GRHL2: variants seen among roughly 807,000 people sequenced by gnomAD.
GRHL2 encodes the protein grainyhead-like protein 2 homolog.
Under a neutral mutation model 83.8 loss-of-function variants are expected in GRHL2, and 21 were observed. The observed-to-expected ratio is 0.25, with a 90% CI of 0.18 to 0.36. The LOEUF is 0.36. GRHL2 is among the 10% of genes least tolerant of loss of function. The pLI is 1.00. For synonymous variants in GRHL2, 280 were observed against 278.9 expected (o/e 1.00, Z -0.04); for missense variants, 623 against 781.8 (o/e 0.80, Z 2.42).
chr8:101,510,391 A>G (rs1019083531), intron 1 of GRHL2, among the ~76,000 whole-genome samples: 16 of 152,208 alleles, frequency 1.1e-4, no homozygotes, highest in Admixed American at 2.0e-4. Flanking sequence ...AGAGCATTAT[A>G]TACAGTGGAT....
intron 7 of GRHL2, among the ~76,000 whole-genome samples, chr8:101,594,478 C>A (rs1812352350): frequency 1.3e-5 from 2 of 152,208 alleles, no homozygotes; most frequent in Admixed American, 1.3e-4. Context: ...AACACTCACC[C>A]AAGGACATTC....
chr8:101,523,278 A>T (rs960483078), intron 1 of GRHL2, among the ~76,000 whole-genome samples: 6 of 151,920 alleles, frequency 3.9e-5, no homozygotes, highest in Non-Finnish European at 7.4e-5. Context: ...GAAGAGAGAA[A>T]GGTGTACAAT....
downstream of GRHL2, among the ~76,000 whole-genome samples, chr8:101,670,249 G>T (rs1175284868): frequency 6.6e-6 from 1 of 152,166 alleles, no homozygotes; most frequent in Non-Finnish European, 1.5e-5. Flanking sequence ...TCCTTGGTGG[G>T]TACCACTCTG....
chr8:101,493,790 G>A (rs1810028547), intron 1 of GRHL2, among the ~76,000 whole-genome samples: 4 of 151,982 alleles, frequency 2.6e-5, no homozygotes, highest in African/African-American at 9.7e-5. Flanking sequence ...CACTCCAGAC[G>A]CGTCGGGGAG....
intron 6 of GRHL2, 68 bp from the exon 7 acceptor site, chr8:101,577,340 C>T: frequency 1.0e-6 from 1 of 975,918 alleles, no homozygotes; most frequent in Non-Finnish European, 1.6e-6. Flanking sequence ...GTAGAACTTC[C>T]AGAACTGGAG....
chr8:101,680,147 C>G, the GRHL2 span, among the ~76,000 whole-genome samples: 1 of 117,844 alleles, frequency 8.5e-6, no homozygotes, highest in African/African-American at 3.5e-5. Flanking sequence ...GATAAAGAGT[C>G]AAGACCCATC....
At chr8:101,650,696 G>A (rs6996973) in intron 14 of GRHL2, among the ~76,000 whole-genome samples, 4 of 151,702 alleles carry the variant, frequency 2.6e-5, no homozygotes, top group Non-Finnish European at 5.9e-5. Context: ...TCTTTGGGGG[G>A]GATGAAAATG....
At chr8:101,565,607 A>ATACTGACTTGTAAAGTCATACTT (rs1811701274) in intron 4 of GRHL2, among the ~76,000 whole-genome samples, 1 of 152,202 alleles carries the variant, frequency 6.6e-6, no homozygotes, top group Non-Finnish European at 1.5e-5. Flanking sequence ...TGGAGATGGC[A>ATACTGACTTGTAAAGTCATACTT]TACTGACTTG....
rs991441557 is a variant in GRHL2 at position 101,492,797 on chromosome 8, G to A, written c.20+8G>A. On this transcript the variant is annotated splice_region_variant and intron_variant, in intron 1 of 15. Coordinates refer to ENST00000646743, the MANE Select transcript of GRHL2 (RefSeq NM_024915.4). ...GTCACAAGAGTCGGACAAGTAAGTG[G>A]ATCACACGCGCCGGCTGCTGCTACT... 1.2e-6 allele frequency: 2 copies of A among 1,613,898 alleles called. No individual in the cohort carries two copies. The highest frequency in any genetic ancestry group is 2.7e-5 in the African/African-American group (2 of 75,050).
At chr8:101,609,235 A>G (rs1812698983) in intron 8 of GRHL2, among the ~76,000 whole-genome samples, 1 of 150,514 alleles carries the variant, frequency 6.6e-6, no homozygotes, top group Non-Finnish European at 1.5e-5. Context: ...GAGAACGAAG[A>G]GGACAAGGAG....
the GRHL2 span, among the ~76,000 whole-genome samples, chr8:101,680,091 T>C: frequency 8.4e-6 from 1 of 118,748 alleles, no homozygotes; most frequent in Non-Finnish European, 1.7e-5. Context: ...ACCTTAAATG[T>C]AAATGGGCTA....
At chr8:101,640,478 A>T (rs1813379781) in intron 12 of GRHL2, among the ~76,000 whole-genome samples, 1 of 152,184 alleles carries the variant, frequency 6.6e-6, no homozygotes, top group Non-Finnish European at 1.5e-5. Context: ...GAATTTATGG[A>T]TGTCTCTTAT....
intron 1 of GRHL2, among the ~76,000 whole-genome samples, chr8:101,493,325 G>A (rs1420203422): frequency 6.6e-6 from 1 of 152,164 alleles, no homozygotes; most frequent in Non-Finnish European, 1.5e-5. Context: ...GGGCGTGAGT[G>A]CGCGCCCGCG....
intron 1 of GRHL2, among the ~76,000 whole-genome samples, chr8:101,504,724 C>T (rs1246292861): frequency 1.3e-5 from 2 of 151,674 alleles, no homozygotes; most frequent in African/African-American, 2.4e-5. Flanking sequence ...CACAGTGACT[C>T]ATCTGACTGC....
At chr8:101,637,268 A>G (rs1813307363) in intron 12 of GRHL2, among the ~76,000 whole-genome samples, 1 of 152,048 alleles carries the variant, frequency 6.6e-6, no homozygotes, top group Non-Finnish European at 1.5e-5. Flanking sequence ...CTTCTTACCT[A>G]TTGTTTGGCC....
chr8:101,560,198 G>T (rs1464561009), intron 4 of GRHL2, among the ~76,000 whole-genome samples: 3 of 151,942 alleles, frequency 2.0e-5, no homozygotes, highest in Non-Finnish European at 4.4e-5. Context: ...GTGTGTGTGT[G>T]TGTGTGTTTT....
chr8:101,503,930 T>C (rs1026440570), intron 1 of GRHL2, among the ~76,000 whole-genome samples: 2 of 152,222 alleles, frequency 1.3e-5, no homozygotes, highest in Non-Finnish European at 2.9e-5. Flanking sequence ...AGTGTTTCTC[T>C]GTGTTTTCCT....
intron 1 of GRHL2, among the ~76,000 whole-genome samples, chr8:101,523,335 A>G (rs565787449): frequency 1.9e-3 from 291 of 152,168 alleles, no homozygotes; most frequent in Admixed American, 4.8e-3. Flanking sequence ...GATGACTGTG[A>G]CCATGCTTTT....
chr8:101,676,889 T>G, the GRHL2 span, among the ~76,000 whole-genome samples: 1 of 152,058 alleles, frequency 6.6e-6, no homozygotes, highest in South Asian at 2.1e-4. Context: ...CTATAAAAAA[T>G]GATGAGTTCA....
Sources: gnomAD v4.1 joint callset for allele counts (sites outside exome capture counted in the v4.1 genomes callset) on GRCh38, gnomAD v4.1.1 for gene constraint, MANE v1.5 for transcripts, NCBI Gene and HGNC (gene_info 2026-07-23, HGNC 2026-07-21) for gene names.